MYO6: variants seen among roughly 807,000 people sequenced by gnomAD.
The protein encoded by MYO6 is myosin VI, also known as unconventional myosin-VI.
Under a neutral mutation model 178.7 loss-of-function variants are expected in MYO6, and 74 were observed. That is an observed-to-expected ratio of 0.41 (90% CI 0.34 to 0.50). MYO6 has a LOEUF of 0.50. Ranked by LOEUF, MYO6 falls within the 20% of genes least tolerant of loss-of-function variation. MYO6 has a pLI of 0.09. For missense variants in MYO6, 1,330 were observed against 1,547.4 expected (o/e 0.86, Z 2.36); for synonymous variants, 477 against 504.6 (o/e 0.95, Z 0.73).
Position 75,866,511 on chromosome 6 carries a change from T to C in MYO6, c.1675-15T>C, listed in dbSNP as rs778042325. ...TTTTGATCATTTAATAACTCATATA[T>C]GTATTGTTTTTCAGATTCCCAGAAA... is the stretch of plus-strand genomic sequence containing the variant. On this transcript the variant is annotated splice_polypyrimidine_tract_variant and intron_variant, in intron 16 of 34. Transcript: ENST00000369977. 8 of 1,570,648 alleles carry C rather than the reference T, an allele frequency of 5.1e-6. No individual in the cohort carries two copies. In the South Asian group the frequency reaches 7.8e-5, roughly 15 times the overall value.
At position 75,908,377 on chromosome 6, in the gene MYO6, TTTTG is replaced by T. The variant is rs1344648578; in HGVS notation, c.3281-117_3281-114del. On this transcript the variant is annotated intron_variant, in intron 31 of 34. Transcript: ENST00000369977. ...TTATGAATAATTAGCTTACTTTTGA[TTTTG>T]TACCATTAATTTAAAAATAAAAAAA... The T allele has an allele frequency of 9.3e-5, 85 of 916,174 alleles. 1 individual carries two copies. The African/African-American group carries it at 1.2e-3, about 13-fold the overall frequency. 56.8% of individuals were successfully genotyped at this position (916,174 alleles called of 1,614,324 possible).
chr6:75,840,774 A>G (rs1774143785), intron 8 of MYO6, 92 bp downstream of exon 8: 1 of 902,926 alleles, frequency 1.1e-6, no homozygotes. Context: ...TTAATGGTAA[A>G]TACCTTTAAG....
chr6:75,866,835 C>A, intron 17 of MYO6, 97 bp from the exon 18 acceptor site: 1 of 1,332,146 alleles, frequency 7.5e-7, no homozygotes, highest in South Asian at 1.2e-5. Context: ...AGATACAGAA[C>A]ATTTCTGTCA....
At chr6:75,855,417 T>G in intron 12 of MYO6, 134 bp downstream of exon 12, 1 of 847,846 alleles carries the variant, frequency 1.2e-6, no homozygotes, top group Non-Finnish European at 1.9e-6. Context: ...TAATCCACCA[T>G]ATAAATAAAT....
chr6:75,794,661 T>C (rs553853875), intron 1 of MYO6, among the ~76,000 whole-genome samples: 5 of 146,954 alleles, frequency 3.4e-5, no homozygotes, highest in South Asian at 2.1e-4. Flanking sequence ...GAATAATAGC[T>C]GGCAGTAGTT....
At chr6:75,782,981 C>G (rs1357587924) in intron 1 of MYO6, among the ~76,000 whole-genome samples, 1 of 142,836 alleles carries the variant, frequency 7.0e-6, no homozygotes, top group Non-Finnish European at 1.5e-5. Flanking sequence ...GTGGCATGAT[C>G]GCAGCTCACT....
intron 1 of MYO6, among the ~76,000 whole-genome samples, chr6:75,778,280 T>G (rs1261854850): frequency 5.9e-5 from 9 of 152,168 alleles, no homozygotes; most frequent in Non-Finnish European, 1.0e-4. Context: ...GCTTAGTGAA[T>G]ATAAGTAAAA....
chr6:75,756,034 G>C (rs1374349744), intron 1 of MYO6, among the ~76,000 whole-genome samples: 2 of 152,174 alleles, frequency 1.3e-5, no homozygotes, highest in Non-Finnish European at 2.9e-5. Flanking sequence ...TTACCAACCT[G>C]CTTTGATAAA....
chr6:75,890,545 A>G (rs1778824851), intron 26 of MYO6, among the ~76,000 whole-genome samples: 2 of 152,072 alleles, frequency 1.3e-5, no homozygotes, highest in African/African-American at 4.8e-5. Flanking sequence ...GGGTTTCACT[A>G]TGTTGGCCAG....
chr6:75,883,610 A>G (rs1007100409), intron 23 of MYO6, among the ~76,000 whole-genome samples: 1 of 152,172 alleles, frequency 6.6e-6, no homozygotes, highest in African/African-American at 2.4e-5. Context: ...CCTTTGACAT[A>G]CTGGGCTAAG....
chr6:75,756,465 C>T (rs575641530), intron 1 of MYO6, among the ~76,000 whole-genome samples: 141 of 152,108 alleles, frequency 9.3e-4, no homozygotes, highest in African/African-American at 3.3e-3. Context: ...CCTGAGTAGC[C>T]GGGATTACAG....
intron 33 of MYO6, 73 bp downstream of exon 33, chr6:75,911,771 A>G: frequency 7.0e-7 from 1 of 1,423,504 alleles, no homozygotes. Context: ...ACTAACTTCT[A>G]TTAAAAGTTG....
At chr6:75,901,875 T>C (rs1779805079) in intron 30 of MYO6, among the ~76,000 whole-genome samples, 2 of 152,200 alleles carry the variant, frequency 1.3e-5, no homozygotes, top group Admixed American at 1.3e-4. Flanking sequence ...CATAGATAGC[T>C]CTTATTATTT....
At chr6:75,844,811 G>T in intron 9 of MYO6, 86 bp from the exon 10 acceptor site, 1 of 1,015,828 alleles carries the variant, frequency 9.8e-7, no homozygotes, top group African/African-American at 1.6e-5. Context: ...CTTCATGGTT[G>T]GCACTATTTG....
At chr6:75,839,388 A>G (rs1343496346) in intron 7 of MYO6, among the ~76,000 whole-genome samples, 4 of 151,446 alleles carry the variant, frequency 2.6e-5, no homozygotes, top group Non-Finnish European at 4.4e-5. Flanking sequence ...CGGGGTTTCA[A>G]CGTGTTAGCC....
At chr6:75,766,374 G>A (rs1778420644) in intron 1 of MYO6, among the ~76,000 whole-genome samples, 1 of 151,532 alleles carries the variant, frequency 6.6e-6, no homozygotes, top group African/African-American at 2.4e-5. Context: ...CTACACATAT[G>A]TGTGTGTGTG....
intron 31 of MYO6, 73 bp downstream of exon 31, chr6:75,907,781 G>GGT (rs957330651): frequency 9.7e-5 from 100 of 1,035,250 alleles, no homozygotes; most frequent in African/African-American, 4.2e-4. Flanking sequence ...ATTAGGGTGA[G>GGT]GTGTGTGTGT....
At position 75,828,619 on chromosome 6, in the gene MYO6, T is replaced by C. The variant is rs1257939478; in HGVS notation, c.261+6T>C. On this transcript the variant is annotated splice_donor_region_variant and intron_variant, in intron 4 of 34. Coordinates refer to ENST00000369977, the MANE Select transcript of MYO6 (RefSeq NM_004999.4). ...ATAGTAAAGACAGAATTTATGTAAG[T>C]ATTTTACCTGTAGTGTAAGTTTTTG... The C allele has an allele frequency of 6.6e-7, 1 of 1,517,594 alleles. No homozygotes were observed. The highest frequency in any genetic ancestry group is 9.2e-7 in the Non-Finnish European group (1 of 1,092,624). 94.0% of individuals were successfully genotyped at this position (1,517,594 alleles called of 1,614,324 possible).
intron 20 of MYO6, among the ~76,000 whole-genome samples, chr6:75,876,163 C>T (rs1362210333): frequency 6.6e-6 from 1 of 152,104 alleles, no homozygotes; most frequent in African/African-American, 2.4e-5. Flanking sequence ...CATATGAAAG[C>T]TTTTCTTGAT....
Sources: allele counts gnomAD v4.1 joint callset (sites outside exome capture counted in the v4.1 genomes callset), GRCh38; gene constraint gnomAD v4.1.1; transcripts MANE v1.5; gene names NCBI Gene and HGNC (gene_info 2026-07-23, HGNC 2026-07-21).